The following SORL1 variants were observed in gnomAD, a reference collection of about 807,000 sequenced individuals.
SORL1 encodes the protein sortilin-related receptor.
SORL1 carries 127 observed loss-of-function variants against 273.7 expected under a neutral mutation model. The observed-to-expected ratio is 0.46, with a 90% CI of 0.40 to 0.54. The LOEUF (loss-of-function observed/expected upper bound fraction) is 0.54. Ranked by LOEUF, SORL1 falls within the 20% of genes least tolerant of loss-of-function variation. SORL1 has a pLI of 0.00. For missense variants in SORL1, 2,494 were observed against 2,846.1 expected, an observed-to-expected ratio of 0.88 and a Z score of 2.81; for synonymous variants, 1,031 against 1,067.4, an observed-to-expected ratio of 0.97 and a Z score of 0.66.
At chr11:121,608,706 G>A (rs1246330277) in intron 38 of SORL1, 1 of 153,350 alleles carries the variant, frequency 6.5e-6, no homozygotes. Context: ...TCATCTAATT[G>A]AACAGTCAGA....
At chr11:121,555,079 C>A in intron 17 of SORL1, 108 bp from the exon 18 acceptor site, 1 of 1,221,968 alleles carries the variant, frequency 8.2e-7, no homozygotes, top group Non-Finnish European at 1.1e-6. Flanking sequence ...AACATCTCAT[C>A]CCTTGCCAGT....
intron 12 of SORL1, among the ~76,000 whole-genome samples, chr11:121,537,280 T>A (rs190876094): frequency 5.3e-5 from 8 of 152,162 alleles, no homozygotes; most frequent in South Asian, 2.1e-4. Flanking sequence ...TTGAAGGATT[T>A]TAGTAGGGGA....
At chr11:121,571,866 T>G (rs1041288492) in intron 23 of SORL1, among the ~76,000 whole-genome samples, 1 of 152,262 alleles carries the variant, frequency 6.6e-6, no homozygotes, top group Non-Finnish European at 1.5e-5. Flanking sequence ...CACTAGCCTC[T>G]CTGTGTCTTT....
In SORL1 at chr11:121,595,610, T is replaced by C. The variant is rs149177905; in HGVS notation, c.4370-13T>C. 1.8e-4 allele frequency: 280 copies of C among 1,554,784 alleles called. 2 individuals carry two copies. In the African/African-American group the frequency reaches 3.5e-3, roughly 19 times the overall value. On this transcript the variant is annotated splice_polypyrimidine_tract_variant and intron_variant, in intron 31 of 47. Coordinates refer to ENST00000260197, the MANE Select transcript of SORL1 (RefSeq NM_003105.6). This position sits in a 1 kb window ranked among gnomAD's most constrained non-coding sequence, Gnocchi z 5.1. ...AATATTAAAAAGTAAATTTTAAAAA[T>C]CTTTTATTTTAGCAAACGTCACTGC...
chr11:121,495,570 C>T (rs1224073816), intron 5 of SORL1, among the ~76,000 whole-genome samples: 2 of 152,160 alleles, frequency 1.3e-5, no homozygotes, highest in African/African-American at 2.4e-5. Flanking sequence ...TTCTGCTTTT[C>T]CTTGAGTCAT....
chr11:121,476,994 G>A (rs1861279088), intron 2 of SORL1, among the ~76,000 whole-genome samples: 2 of 151,948 alleles, frequency 1.3e-5, no homozygotes, highest in East Asian at 1.9e-4. Flanking sequence ...GTCTCACTCT[G>A]TTGCCCAGGC....
chr11:121,543,997 T>TA (rs1369917182), intron 13 of SORL1, among the ~76,000 whole-genome samples: 7 of 152,178 alleles, frequency 4.6e-5, no homozygotes, highest in Non-Finnish European at 7.3e-5. Flanking sequence ...AATATGTAGA[T>TA]AAATGCATGA....
intron 10 of SORL1, 90 bp downstream of exon 10, chr11:121,522,793 AACCAC>A: frequency 7.3e-7 from 1 of 1,365,564 alleles, no homozygotes; most frequent in Non-Finnish European, 1.0e-6. Context: ...CTCCAGCAGT[AACCAC>A]GCTTTGTGGT....
chr11:121,488,096 A>G lies in SORL1; in HGVS notation c.593A>G (p.Gln198Arg). The change falls in exon 4 of 48, where the codon CAA becomes CGA. Residue 198 changes from glutamine (Q) to arginine (R), a missense_variant. This residue lies in a region of SORL1 where 710 missense variants were observed against 882.5 expected (regional missense o/e 0.80). Transcript: ENST00000260197. Reference sequence around the variant, plus strand: ...ACGTTTGACTTCTGCAACACTCTTCAAGGCTTTTCCATCCCATTTCGGGCA... The same window carrying G: ...ACGTTTGACTTCTGCAACACTCTTCGAGGCTTTTCCATCCCATTTCGGGCA... Reference protein sequence around the residue: ...WITFDFCNTLQGFSIPFRAAD... With the variant: ...WITFDFCNTLRGFSIPFRAAD... 1 of 1,614,006 alleles carries G rather than the reference A, an allele frequency of 6.2e-7. No individual in the cohort carries two copies. The highest frequency in any genetic ancestry group is 8.5e-7 in the Non-Finnish European group (1 of 1,180,000).
intron 11 of SORL1, among the ~76,000 whole-genome samples, chr11:121,531,996 C>T (rs1862208718): frequency 6.6e-6 from 1 of 152,224 alleles, no homozygotes; most frequent in Non-Finnish European, 1.5e-5. Context: ...TAAATCTCCA[C>T]AAGCGGCTTG....
intron 25 of SORL1, among the ~76,000 whole-genome samples, chr11:121,578,896 G>C (rs1464821300): frequency 6.6e-6 from 1 of 152,198 alleles, no homozygotes; most frequent in African/African-American, 2.4e-5. Flanking sequence ...TGCAGAAGGA[G>C]GAAGAACCGA....
chr11:121,545,256 A>G lies in SORL1; in HGVS notation c.1878A>G (p.Thr626=). 1.9e-6 allele frequency: 3 copies of G among 1,614,182 alleles called. No homozygotes were observed. The highest frequency in any genetic ancestry group is 1.7e-6 in the Non-Finnish European group (2 of 1,180,008). ...CTTTTTCTTTAGGAGTTCCCTGCAC[A>G]GAGAATGACTACAAGCTGTGGTCAC... ...NATDALGVPC[T]ENDYKLWSPS... The change falls in exon 14 of 48, where the codon ACA becomes ACG. Residue 626 remains threonine, a synonymous_variant. Coordinates refer to ENST00000260197, the MANE Select transcript of SORL1 (RefSeq NM_003105.6).
Position 121,478,287 on chromosome 11 carries a change from G to A in SORL1, c.528+44G>A, listed in dbSNP as rs764636912. The A allele has an allele frequency of 5.6e-6, 9 of 1,593,238 alleles. No homozygotes were observed. The South Asian group carries it at 8.9e-5, about 16-fold the overall frequency. On this transcript the variant is annotated intron_variant, in intron 3 of 47. Transcript: ENST00000260197. ...CTCCTGTCCCGACTTCATGGGACTG[G>A]GTTTTGGAAAGATTGCCGCACTTAA...
chr11:121,575,372 G>A (rs1330079823), intron 24 of SORL1, among the ~76,000 whole-genome samples: 1 of 152,244 alleles, frequency 6.6e-6, no homozygotes, highest in Non-Finnish European at 1.5e-5. Flanking sequence ...CCAGATTGAG[G>A]CATGAGAGGG....
intron 6 of SORL1, among the ~76,000 whole-genome samples, chr11:121,497,996 T>C (rs145872925): frequency 6.8e-4 from 104 of 152,170 alleles, no homozygotes; most frequent in African/African-American, 2.5e-3. Context: ...CAAGAGAGGA[T>C]CTCCCCAGCA....
chr11:121,602,896 A>G (rs147344309), intron 32 of SORL1, among the ~76,000 whole-genome samples: 2,562 of 152,298 alleles, frequency 0.017, 37 homozygotes, highest in Middle Eastern at 0.048. Context: ...AGATGTCACC[A>G]TGGGCAGGGG....
intron 32 of SORL1, among the ~76,000 whole-genome samples, chr11:121,601,503 A>G (rs1863390644): frequency 6.6e-6 from 1 of 151,460 alleles, no homozygotes; most frequent in African/African-American, 2.4e-5. Context: ...ACTAGTTTAC[A>G]GTCCCACCAA....
At chr11:121,511,259 T>C (rs1861873835) in intron 6 of SORL1, among the ~76,000 whole-genome samples, 1 of 152,192 alleles carries the variant, frequency 6.6e-6, no homozygotes, top group Non-Finnish European at 1.5e-5. Context: ...ATATTCTTAA[T>C]ACTCAGGCCT....
intron 25 of SORL1, 71 bp from the exon 26 acceptor site, chr11:121,583,387 C>T: frequency 6.7e-7 from 1 of 1,497,966 alleles, no homozygotes; most frequent in East Asian, 2.5e-5. Context: ...TCTTTTCAGC[C>T]CACCCCCTTG....
Sources: gnomAD v4.1 joint callset for allele counts (sites outside exome capture counted in the v4.1 genomes callset) on GRCh38, gnomAD v4.1.1 for gene constraint, gnomAD v4.1.1 regional missense constraint, Gnocchi (gnomAD v3.1) non-coding constraint, MANE v1.5 for transcripts, NCBI Gene and HGNC (gene_info 2026-07-23, HGNC 2026-07-21) for gene names.